The following TMEM176B variants were observed in gnomAD, a reference collection of about 807,000 sequenced individuals.
TMEM176B encodes the protein transmembrane protein 176B.
TMEM176B carries 28 observed loss-of-function variants against 30.3 expected under a neutral mutation model. The ratio of observed to expected loss-of-function variants is 0.92; its 90% confidence interval spans 0.68 to 1.27. The LOEUF is 1.27. Ranked by LOEUF, TMEM176B falls within the 50% of genes most tolerant of loss-of-function variation. TMEM176B has a pLI of 0.00. For synonymous variants in TMEM176B, 123 were observed against 130.3 expected, an observed-to-expected ratio of 0.94 and a Z score of 0.38; for missense variants, 349 against 327.4, an observed-to-expected ratio of 1.07 and a Z score of -0.51.
In TMEM176B at chr7:150,792,135, C is replaced by T. The variant is rs776439349; in HGVS notation, c.641G>A (p.Cys214Tyr). 9 of 1,614,040 alleles carry T rather than the reference C, an allele frequency of 5.6e-6. No individual in the cohort carries two copies. The East Asian group carries it at 1.3e-4, about 24-fold the overall frequency. The change falls in exon 6 of 7, where the codon TGT becomes TAT. Residue 214 changes from cysteine (C) to tyrosine (Y), a missense_variant. Cys to Tyr is a radical substitution (Grantham distance 194, BLOSUM62 -2). Transcript: ENST00000326442. ...CAAGGACACAATGACCTTCAAGACA[C>T]AGACAGCCAGGAACAGGGCACGGAT... ...TAIRALFLAV[C>Y]VLKVIVSLVS...
At position 150,791,532 on chromosome 7, in the gene TMEM176B, C is replaced by T. The variant is rs567905401; in HGVS notation, c.812G>A (p.Ter271=). ...GCACCCCGTGGGGTCTTTGGCAGCT[C>T]ACAGGACAATGGCAGTGGAGGTCTG... is the stretch of plus-strand genomic sequence containing the variant. ...REQTSTAIVL[*] Residue 271 remains the stop codon, a stop_retained_variant, in exon 7 of 7, where the codon TGA becomes TAA. Transcript: ENST00000326442. 3.1e-6 allele frequency: 5 copies of T among 1,613,424 alleles called. No individual in the cohort carries two copies. In the African/African-American group the frequency reaches 5.3e-5, roughly 17 times the overall value.
intron 1 of TMEM176B, among the ~76,000 whole-genome samples, chr7:150,799,645 G>T (rs1465164748): frequency 7.9e-5 from 12 of 152,246 alleles, no homozygotes; most frequent in Non-Finnish European, 1.6e-4. Flanking sequence ...ACAGGAGTTA[G>T]ACAATTCCGC....
At chr7:150,799,820 T>C (rs967930574) in intron 1 of TMEM176B, among the ~76,000 whole-genome samples, 3 of 151,644 alleles carry the variant, frequency 2.0e-5, no homozygotes, top group Non-Finnish European at 4.4e-5. Context: ...TAGATCTGCC[T>C]CGCCCCCGCC....
chr7:150,791,699 A>G, intron 6 of TMEM176B, 76 bp from the exon 7 acceptor site: 1 of 1,333,758 alleles, frequency 7.5e-7, no homozygotes, highest in Non-Finnish European at 1.0e-6. Context: ...CTCAGAAAGC[A>G]GAAAGAGGAA....
chr7:150,793,656 A>G (rs892353600), intron 3 of TMEM176B, 56 bp from the exon 4 acceptor site: 17 of 1,579,130 alleles, frequency 1.1e-5, no homozygotes, highest in Non-Finnish European at 1.5e-5. Context: ...TTGGTCTATC[A>G]TCACCCTCCC....
At chr7:150,795,828 G>A (rs1307919433) in intron 2 of TMEM176B, among the ~76,000 whole-genome samples, 2 of 152,126 alleles carry the variant, frequency 1.3e-5, no homozygotes, top group Non-Finnish European at 2.9e-5. Flanking sequence ...CCCTCTCATG[G>A]GAATTCAACC....
At chr7:150,800,505 C>G (rs1213035886), upstream of TMEM176B, 1 of 152,178 alleles carries the variant, frequency 6.6e-6, no homozygotes, top group African/African-American at 2.4e-5. Flanking sequence ...GAAGACCGAG[C>G]CCCCGCGCGC....
intron 1 of TMEM176B, among the ~76,000 whole-genome samples, chr7:150,797,045 G>A (rs1480443190): frequency 6.6e-6 from 1 of 152,114 alleles, no homozygotes; most frequent in Non-Finnish European, 1.5e-5. Flanking sequence ...CAATGGCACT[G>A]GAAATCAATA....
upstream of TMEM176B, chr7:150,800,927 C>G (rs1346878481): frequency 1.0e-6 from 1 of 985,520 alleles, no homozygotes; most frequent in East Asian, 1.1e-4. Context: ...GGACCCCCAC[C>G]CAGGGATGAC....
In TMEM176B at chr7:150,791,492, G is replaced by C; in HGVS notation, c.*39C>G. The C allele has an allele frequency of 3.2e-6, 5 of 1,581,730 alleles. No homozygotes were observed. Among genetic ancestry groups the C allele is most frequent in the Non-Finnish European group, 4.3e-6 (5 of 1,153,298 alleles). Reference sequence around the variant, plus strand: ...GGAGTGGGGGCCCTGGGCTGCCCTAGACAGGGACATGCGGGCACCCCGTGG... The same window carrying C: ...GGAGTGGGGGCCCTGGGCTGCCCTACACAGGGACATGCGGGCACCCCGTGG... On this transcript the variant is annotated 3_prime_UTR_variant, in exon 7 of 7. Coordinates refer to ENST00000326442, the MANE Select transcript of TMEM176B (RefSeq NM_001101312.2).
chr7:150,791,861 C>T (rs772630291), intron 6 of TMEM176B, among the ~76,000 whole-genome samples, 195 bp downstream of exon 6: 4 of 151,756 alleles, frequency 2.6e-5, no homozygotes, highest in Admixed American at 2.0e-4. Context: ...AGGCACAGGG[C>T]GGCGACAGTT....
At chr7:150,796,612 A>T (rs1438086277) in intron 1 of TMEM176B, 38 bp from the exon 2 acceptor site, 1 of 1,601,904 alleles carries the variant, frequency 6.2e-7, no homozygotes, top group Non-Finnish European at 8.5e-7. Context: ...AGGTCTGGGA[A>T]CTAGGCGAGG....
intron 4 of TMEM176B, 63 bp from the exon 5 acceptor site, chr7:150,793,378 C>G: frequency 6.5e-7 from 1 of 1,534,666 alleles, no homozygotes. Flanking sequence ...ATGAGGTCCC[C>G]GCCTCAAATC....
chr7:150,796,958 A>AC (rs1798553317), intron 1 of TMEM176B, among the ~76,000 whole-genome samples: 1 of 152,082 alleles, frequency 6.6e-6, no homozygotes, highest in African/African-American at 2.4e-5. Context: ...CATCTCAAAA[A>AC]AAACAAAAAC....
chr7:150,798,205 C>G (rs906627595), intron 1 of TMEM176B, among the ~76,000 whole-genome samples: 6 of 152,192 alleles, frequency 3.9e-5, no homozygotes, highest in African/African-American at 1.4e-4. Flanking sequence ...CCATGAGCAA[C>G]CACTGACCTG....
At chr7:150,794,888 A>G (rs1330591812) in intron 2 of TMEM176B, among the ~76,000 whole-genome samples, 1 of 146,298 alleles carries the variant, frequency 6.8e-6, no homozygotes, top group Non-Finnish European at 1.5e-5. Context: ...CGGATTTGTC[A>G]CATCCAAATC....
chr7:150,800,133 G>C (rs1798714138), intron 1 of TMEM176B, 165 bp downstream of exon 1: 1 of 152,604 alleles, frequency 6.6e-6, no homozygotes, highest in South Asian at 2.1e-4. Context: ...AGAAACACCT[G>C]CACCCAGCTG....
At chr7:150,800,783 C>G (rs919105022), upstream of TMEM176B, 5 of 221,006 alleles carry the variant, frequency 2.3e-5, no homozygotes, top group African/African-American at 1.2e-4. Flanking sequence ...CTCCAGCCAG[C>G]GCCCCAGCCC....
intron 3 of TMEM176B, 60 bp downstream of exon 3, chr7:150,793,901 G>A (rs957862702): frequency 2.1e-6 from 3 of 1,399,474 alleles, no homozygotes; most frequent in Non-Finnish European, 2.9e-6. Context: ...AGATCCATAA[G>A]CGCCTTCTTG....
Sources: allele counts gnomAD v4.1 joint callset (sites outside exome capture counted in the v4.1 genomes callset), GRCh38; gene constraint gnomAD v4.1.1; transcripts MANE v1.5; gene names NCBI Gene and HGNC (gene_info 2026-07-23, HGNC 2026-07-21).